QTMAN: variants seen among roughly 807,000 people sequenced by gnomAD.
The protein encoded by QTMAN is queuosine-tRNA mannosyltransferase.
chr2:144,105,092 C>G, the QTMAN span, among the ~76,000 whole-genome samples: 1 of 152,134 alleles, frequency 6.6e-6, no homozygotes, highest in Non-Finnish European at 1.5e-5. Flanking sequence ...ACATCCACAG[C>G]AAAACACCAC....
chr2:144,031,237 G>T, the QTMAN span, among the ~76,000 whole-genome samples: 1 of 151,828 alleles, frequency 6.6e-6, no homozygotes, highest in Non-Finnish European at 1.5e-5. Flanking sequence ...CACCAGAATT[G>T]AAAACTGCTC....
the QTMAN span, among the ~76,000 whole-genome samples, chr2:144,289,208 G>A: frequency 6.6e-6 from 1 of 151,986 alleles, no homozygotes; most frequent in Non-Finnish European, 1.5e-5. Context: ...TAGAGACAGG[G>A]TTTAATAGAG....
chr2:144,005,927 C>T, the QTMAN span: 1 of 151,908 alleles, frequency 6.6e-6, no homozygotes, highest in Non-Finnish European at 1.5e-5. Context: ...ACTGATTTTC[C>T]TGCAATAAAT....
chr2:144,064,718 A>C, the QTMAN span, among the ~76,000 whole-genome samples: 8,667 of 152,288 alleles, frequency 0.057, 830 homozygotes, highest in African/African-American at 0.19. Context: ...GCAAAAAACA[A>C]AGTCATATCA....
the QTMAN span, among the ~76,000 whole-genome samples, chr2:144,202,696 A>T: frequency 6.6e-6 from 1 of 152,210 alleles, no homozygotes; most frequent in Non-Finnish European, 1.5e-5. Context: ...TATAATAAAC[A>T]TCCAGCTTGT....
At chr2:144,171,761 C>A in the QTMAN span, among the ~76,000 whole-genome samples, 1 of 152,012 alleles carries the variant, frequency 6.6e-6, no homozygotes, top group Non-Finnish European at 1.5e-5. Context: ...CAAACTGATC[C>A]AGGACTAAAA....
chr2:144,276,188 G>A, the QTMAN span, among the ~76,000 whole-genome samples: 1 of 151,796 alleles, frequency 6.6e-6, no homozygotes, highest in Middle Eastern at 3.2e-3. Context: ...GGAGTGCGTG[G>A]AAAATATTAA....
the QTMAN span, among the ~76,000 whole-genome samples, chr2:144,286,491 C>G: frequency 6.6e-6 from 1 of 152,172 alleles, no homozygotes; most frequent in Non-Finnish European, 1.5e-5. Context: ...AAGATTTAAG[C>G]ATTCTGAGCT....
At chr2:143,958,786 T>C in the QTMAN span, among the ~76,000 whole-genome samples, 95 of 149,242 alleles carry the variant, frequency 6.4e-4, no homozygotes, top group East Asian at 2.7e-3. Flanking sequence ...TTCTTTCTTT[T>C]TTTTTTTTTT....
the QTMAN span, among the ~76,000 whole-genome samples, chr2:144,049,439 ATTTAT>A: frequency 2.0e-5 from 3 of 152,306 alleles, no homozygotes; most frequent in Non-Finnish European, 2.9e-5. Context: ...AGAGCAATAT[ATTTAT>A]TTTAATTTTC....
the QTMAN span, among the ~76,000 whole-genome samples, chr2:144,331,030 A>G: frequency 6.6e-6 from 1 of 152,210 alleles, no homozygotes; most frequent in African/African-American, 2.4e-5. Context: ...CCTTATTGCA[A>G]GTATCATGCT....
the QTMAN span, among the ~76,000 whole-genome samples, chr2:144,193,505 C>CGT: frequency 0.038 from 5,502 of 146,092 alleles, 121 homozygotes; most frequent in Admixed American, 0.05. Context: ...ATATATATTA[C>CGT]GTGTGTGTGT....
At chr2:143,982,610 C>T in the QTMAN span, among the ~76,000 whole-genome samples, 1 of 151,198 alleles carries the variant, frequency 6.6e-6, no homozygotes, top group Non-Finnish European at 1.5e-5. Context: ...CCTGTAATCC[C>T]AGTACTTTGG....
At chr2:143,943,498 C>T in the QTMAN span, 1 of 152,230 alleles carries the variant, frequency 6.6e-6, no homozygotes, top group Admixed American at 6.5e-5. Flanking sequence ...CTATCATCCA[C>T]AGAAAGTATC....
chr2:144,108,468 T>C, the QTMAN span, among the ~76,000 whole-genome samples: 1 of 151,842 alleles, frequency 6.6e-6, no homozygotes, highest in African/African-American at 2.4e-5. Flanking sequence ...TGAAACCCTG[T>C]CTCTACTAAA....
the QTMAN span, among the ~76,000 whole-genome samples, chr2:144,223,731 C>A: frequency 2.0e-5 from 3 of 152,170 alleles, no homozygotes; most frequent in Non-Finnish European, 4.4e-5. Context: ...TCATGACAGT[C>A]TGGAATCTCT....
At chr2:144,249,976 A>G in the QTMAN span, among the ~76,000 whole-genome samples, 1 of 152,210 alleles carries the variant, frequency 6.6e-6, no homozygotes, top group African/African-American at 2.4e-5. Context: ...CAGATCAGCA[A>G]TTGTCTGGGA....
the QTMAN span, among the ~76,000 whole-genome samples, chr2:144,139,489 A>C: frequency 6.6e-6 from 1 of 152,086 alleles, no homozygotes. Context: ...ACTTAAGTGC[A>C]AGGTCATTCC....
chr2:144,103,047 C>T, the QTMAN span, among the ~76,000 whole-genome samples: 1 of 152,134 alleles, frequency 6.6e-6, no homozygotes, highest in Admixed American at 6.5e-5. Flanking sequence ...GGAAGAAAAT[C>T]TGAAAACCAG....
Sources: allele counts gnomAD v4.1 joint callset (sites outside exome capture counted in the v4.1 genomes callset), GRCh38; gene constraint gnomAD v4.1.1; transcripts MANE v1.5; gene names NCBI Gene and HGNC (gene_info 2026-07-23, HGNC 2026-07-21).